MTA3: variants seen among roughly 807,000 people sequenced by gnomAD.
The protein encoded by MTA3 is metastasis-associated protein MTA3.
In MTA3, 34 loss-of-function variants were observed where a neutral mutation model predicts 83.5. The observed-to-expected ratio is 0.41, with a 90% CI of 0.31 to 0.54. MTA3 has a LOEUF of 0.54. Among genes scored for constraint, MTA3 ranks in the 20% least tolerant of loss-of-function variants. The pLI, the probability that MTA3 is intolerant of heterozygous loss-of-function variation, is 0.33. For missense variants in MTA3, 761 were observed against 726.4 expected, an observed-to-expected ratio of 1.05 and a Z score of -0.55; for synonymous variants, 303 against 252.7, an observed-to-expected ratio of 1.20 and a Z score of -1.89.
chr2:42,734,848 ACT>A (rs1480801396), intron 16 of MTA3, among the ~76,000 whole-genome samples: 2 of 151,582 alleles, frequency 1.3e-5, no homozygotes, highest in African/African-American at 4.9e-5. Flanking sequence ...ACTAGTGGAA[ACT>A]CTCTACACTT....
intron 16 of MTA3, among the ~76,000 whole-genome samples, chr2:42,736,024 G>A (rs1368795650): frequency 6.6e-6 from 1 of 152,184 alleles, no homozygotes. Flanking sequence ...GGGCATTGAA[G>A]AGTTAGGTAT....
intron 11 of MTA3, chr2:42,703,224 C>T (rs914504194): frequency 7.2e-5 from 11 of 152,224 alleles, no homozygotes; most frequent in East Asian, 3.8e-4. Flanking sequence ...TCTCTTTTCT[C>T]CTCTTAAAAA....
At chr2:42,721,666 T>C (rs190635611) in intron 15 of MTA3, among the ~76,000 whole-genome samples, 282 of 152,296 alleles carry the variant, frequency 1.9e-3, no homozygotes, top group Non-Finnish European at 3.0e-3. Flanking sequence ...TAGGGCAGCC[T>C]ACCTGAAGAA....
intron 6 of MTA3, among the ~76,000 whole-genome samples, chr2:42,644,750 C>T (rs886343397): frequency 6.6e-6 from 1 of 152,026 alleles, no homozygotes; most frequent in Non-Finnish European, 1.5e-5. Flanking sequence ...GATCTGTGAT[C>T]AGTGATCTTA....
Position 42,687,787 on chromosome 2 carries a change from G to A in MTA3, c.891+5198G>A, listed in dbSNP as rs530793211. On this transcript the variant is annotated intron_variant, in intron 9 of 16. Transcript: ENST00000405094. ...CACCAGCCATTTTTGTAGCTCATAT[G>A]TGTTCTCATTTATCTGCTGGCCCAG... Among the ~76,000 whole-genome samples, 14 of 152,270 alleles carry A rather than the reference G, an allele frequency of 9.2e-5. No individual in the cohort carries two copies. The South Asian group carries it at 2.9e-3, about 32-fold the overall frequency.
intron 2 of MTA3, among the ~76,000 whole-genome samples, chr2:42,531,919 G>A (rs1391075102): frequency 1.3e-5 from 2 of 152,070 alleles, no homozygotes; most frequent in African/African-American, 4.8e-5. Context: ...ACCACACCCA[G>A]CTAATTTTTT....
At chr2:42,552,194 C>T (rs1402793022) in intron 2 of MTA3, among the ~76,000 whole-genome samples, 2 of 152,112 alleles carry the variant, frequency 1.3e-5, no homozygotes, top group African/African-American at 4.8e-5. Context: ...GGCCCTGAGA[C>T]TGGTGTGTGC....
chr2:42,565,035 C>T (rs1004424919), upstream of MTA3, among the ~76,000 whole-genome samples: 2 of 152,158 alleles, frequency 1.3e-5, no homozygotes, highest in African/African-American at 4.8e-5. Flanking sequence ...CTCGGCCTCC[C>T]AAAGTGCTGG....
chr2:42,707,786 G>A lies in MTA3; in HGVS notation c.1151-117G>A, dbSNP rs575313114. The A allele has an allele frequency of 3.6e-5, 42 of 1,152,442 alleles. No homozygotes were observed. The African/African-American group carries it at 5.0e-4, about 14-fold the overall frequency. The allele number at this position is 1,152,442 out of a possible 1,614,324, so 71.4% of individuals were successfully genotyped here. ...CTATTATGTTTGGCTTGTAAGCTGG[G>A]AACAATAACATTGTAAACTAAGCAT... On this transcript the variant is annotated intron_variant, in intron 12 of 16. Coordinates refer to ENST00000405094, the MANE Select transcript of MTA3 (RefSeq NM_001330442.2).
At chr2:42,601,054 G>A (rs1278438021) in intron 3 of MTA3, among the ~76,000 whole-genome samples, 1 of 152,044 alleles carries the variant, frequency 6.6e-6, no homozygotes, top group Non-Finnish European at 1.5e-5. Context: ...CTATAGGCAT[G>A]CGCCTCCACG....
At chr2:42,526,441 A>G (rs956004249) in intron 2 of MTA3, among the ~76,000 whole-genome samples, 15 of 152,122 alleles carry the variant, frequency 9.9e-5, no homozygotes, top group Non-Finnish European at 1.8e-4. Flanking sequence ...GGTCCTGCCA[A>G]GATGATCAGT....
At chr2:42,671,651 A>G (rs902688912) in intron 8 of MTA3, among the ~76,000 whole-genome samples, 4 of 152,188 alleles carry the variant, frequency 2.6e-5, no homozygotes, top group Non-Finnish European at 4.4e-5. Context: ...ATTTGGTTCT[A>G]AATATTCACT....
chr2:42,755,113 C>G lies in MTA3; in HGVS notation c.*1714C>G, dbSNP rs1289872019. On this transcript the variant is annotated 3_prime_UTR_variant, in exon 17 of 17. Coordinates refer to ENST00000405094, the MANE Select transcript of MTA3 (RefSeq NM_001330442.2). ...GGTTCCCACTGAGGGGTCCCTTCAG[C>G]AAAGACCTGGGAGGAGGTGCCGCAT... 1.0e-6 allele frequency: 1 copy of G among 985,476 alleles called. No homozygotes were observed. Among genetic ancestry groups the G allele is most frequent in the African/African-American group, 1.7e-5 (1 of 57,318 alleles). 61.0% of individuals were successfully genotyped at this position (985,476 alleles called of 1,614,324 possible).
At chr2:42,605,008 C>G (rs1419500370) in intron 3 of MTA3, among the ~76,000 whole-genome samples, 1 of 150,582 alleles carries the variant, frequency 6.6e-6, no homozygotes, top group Non-Finnish European at 1.5e-5. Flanking sequence ...CGGCAACCAT[C>G]CGATTTCTCA....
At chr2:42,701,422 C>A (rs989106167) in intron 11 of MTA3, among the ~76,000 whole-genome samples, 28 of 116,990 alleles carry the variant, frequency 2.4e-4, no homozygotes, top group Admixed American at 4.3e-4. Context: ...CTGTATCTAT[C>A]AAAAAAAAAA....
At chr2:42,685,513 C>T (rs1692294384) in intron 9 of MTA3, among the ~76,000 whole-genome samples, 1 of 152,210 alleles carries the variant, frequency 6.6e-6, no homozygotes, top group South Asian at 2.1e-4. Context: ...AACGTGCTGT[C>T]TCTCCCTTGA....
intron 9 of MTA3, among the ~76,000 whole-genome samples, chr2:42,684,123 A>G (rs1692175784): frequency 6.6e-6 from 1 of 152,054 alleles, no homozygotes. Context: ...TATAGTATGT[A>G]CTTTGTTTTG....
chr2:42,669,702 A>C (rs571100572), intron 8 of MTA3, among the ~76,000 whole-genome samples: 2 of 152,262 alleles, frequency 1.3e-5, no homozygotes, highest in East Asian at 3.9e-4. Flanking sequence ...AGACTATCCT[A>C]GGAGAATTGT....
intron 4 of MTA3, among the ~76,000 whole-genome samples, chr2:42,626,965 T>C (rs1273976295): frequency 6.6e-6 from 1 of 152,086 alleles, no homozygotes; most frequent in African/African-American, 2.4e-5. Flanking sequence ...GGCTTCAAAC[T>C]CCTGACCTCA....
Sources: gnomAD v4.1 joint callset for allele counts (sites outside exome capture counted in the v4.1 genomes callset) on GRCh38, gnomAD v4.1.1 for gene constraint, MANE v1.5 for transcripts, NCBI Gene and HGNC (gene_info 2026-07-23, HGNC 2026-07-21) for gene names.